Variants in MPP7 observed in about 807,000 individuals in gnomAD.
MPP7 encodes MAGUK p55 subfamily member 7.
MPP7 carries 60 observed loss-of-function variants against 76.5 expected under a neutral mutation model. The observed-to-expected ratio is 0.78, with a 90% CI of 0.64 to 0.97. The LOEUF is 0.97. Among genes scored for constraint, MPP7 ranks in the 50% least tolerant of loss-of-function variants. The pLI, the probability that MPP7 is intolerant of heterozygous loss-of-function variation, is 0.00. For missense variants in MPP7, 641 were observed against 694.0 expected (o/e 0.92, Z 0.86); for synonymous variants, 237 against 244.5 (o/e 0.97, Z 0.29).
chr10:28,135,454 A>G (rs1835325248), intron 5 of MPP7, among the ~76,000 whole-genome samples: 1 of 147,316 alleles, frequency 6.8e-6, no homozygotes, highest in Admixed American at 6.6e-5. Flanking sequence ...GATTGTCTTA[A>G]TTTAAAGGAT....
Position 28,056,481 on chromosome 10 carries a change from G to C in MPP7, c.1550C>G (p.Thr517Arg). 6.2e-7 allele frequency: 1 copy of C among 1,612,152 alleles called. No homozygotes were observed. The change falls in exon 16 of 17, where the codon ACA (threonine) becomes AGA (arginine). Residue 517 changes from threonine to arginine, a missense_variant and splice_region_variant. By Grantham distance (71) the Thr-to-Arg change is moderately conservative. Coordinates refer to ENST00000683449, the MANE Select transcript of MPP7 (RefSeq NM_001318170.2). Reference sequence around the variant, plus strand: ...GCCCCCAAGCATCATTATACTTACTGTGAAGGGTTTTGCAGCACCTTGGTC... The same window carrying C: ...GCCCCCAAGCATCATTATACTTACTCTGAAGGGTTTTGCAGCACCTTGGTC... ...RDDQGAAKPF[T>R]EEDFQEMIKS...
At chr10:28,135,926 G>C (rs1022241224) in intron 5 of MPP7, among the ~76,000 whole-genome samples, 1 of 152,154 alleles carries the variant, frequency 6.6e-6, no homozygotes, top group Non-Finnish European at 1.5e-5. Flanking sequence ...CACACAGTAG[G>C]AGGTGAGTAG....
At chr10:28,187,609 A>G (rs1490319344) in intron 3 of MPP7, among the ~76,000 whole-genome samples, 8 of 152,196 alleles carry the variant, frequency 5.3e-5, no homozygotes, top group African/African-American at 1.9e-4. Flanking sequence ...TCTAAACTTA[A>G]TACCACCTCT....
intron 2 of MPP7, among the ~76,000 whole-genome samples, chr10:28,221,125 T>G (rs969748803): frequency 2.0e-5 from 3 of 152,058 alleles, no homozygotes; most frequent in Admixed American, 2.0e-4. Context: ...ACATGGTAGG[T>G]TAGAAAGTTT....
intron 2 of MPP7, among the ~76,000 whole-genome samples, chr10:28,309,947 A>G (rs1325719037): frequency 6.7e-6 from 1 of 150,068 alleles, no homozygotes; most frequent in African/African-American, 2.5e-5. Context: ...AACTGAGCAG[A>G]TGCTGGCGCC....
At chr10:28,232,120 G>A (rs981755242) in intron 2 of MPP7, among the ~76,000 whole-genome samples, 1 of 152,144 alleles carries the variant, frequency 6.6e-6, no homozygotes, top group Non-Finnish European at 1.5e-5. Flanking sequence ...ACTTTGGGAG[G>A]CCAGTGGTGG....
intron 11 of MPP7, chr10:28,119,088 T>A (rs961096322): frequency 1.1e-4 from 113 of 984,642 alleles, no homozygotes; most frequent in Non-Finnish European, 1.3e-4. Context: ...AGTATTTAAA[T>A]GCACACTAAG....
In MPP7 at chr10:28,270,602, G is replaced by A. The variant is rs113504392; in HGVS notation, c.-131-31867C>T. Among the ~76,000 whole-genome samples, 1,419 of 150,506 alleles carry A rather than the reference G, an allele frequency of 9.4e-3. 13 individuals are homozygous for A. The highest frequency in any genetic ancestry group is 0.033 in the African/African-American group (1,347 of 40,756). ...TCTATTGCTGGGTGGGGAAAGGCACGTGTGCCTACTTCAGTTCTATCTGCA... is the reference window on the plus strand; with the variant it reads ...TCTATTGCTGGGTGGGGAAAGGCACATGTGCCTACTTCAGTTCTATCTGCA... On this transcript the variant is annotated intron_variant, in intron 1 of 16. Transcript: ENST00000683449.
chr10:28,053,097 T>C lies in MPP7; in HGVS notation c.*968A>G, dbSNP rs1851420030. ...ATGAAAAGTTTTCTAAAATAAATCT[T>C]AGAGCAATTTAAAGAGGGGTGATCT... On this transcript the variant is annotated 3_prime_UTR_variant, in exon 17 of 17. Transcript: ENST00000683449. The C allele has an allele frequency of 1.3e-5, 2 of 152,196 alleles. No individual in the cohort carries two copies. Among genetic ancestry groups the C allele is most frequent in the East Asian group, 3.9e-4 (2 of 5,194 alleles). The allele number at this position is 152,196 out of a possible 1,614,324, so 9.4% of individuals were successfully genotyped here. A position where few individuals can be genotyped will look rare whatever the true frequency, so the allele number is the denominator to read the frequency against.
At chr10:28,329,565 C>A (rs1834451397) in intron 2 of MPP7, among the ~76,000 whole-genome samples, 1 of 142,686 alleles carries the variant, frequency 7.0e-6, no homozygotes, top group African/African-American at 2.6e-5. Flanking sequence ...GGAGGCAGAG[C>A]TTGCAGAGAG....
chr10:28,172,129 T>C (rs1470127394), intron 3 of MPP7, among the ~76,000 whole-genome samples: 2 of 152,248 alleles, frequency 1.3e-5, no homozygotes, highest in Non-Finnish European at 2.9e-5. Context: ...GACGATGTCA[T>C]GAACTTTGGC....
intron 4 of MPP7, 113 bp downstream of exon 4, chr10:28,149,869 C>A: frequency 1.6e-6 from 1 of 616,050 alleles, no homozygotes; most frequent in East Asian, 3.0e-5. Flanking sequence ...CATTTGTAAC[C>A]TCTTCTGCTT....
intron 11 of MPP7, among the ~76,000 whole-genome samples, chr10:28,093,415 T>C (rs2133468900): frequency 6.6e-6 from 1 of 152,090 alleles, no homozygotes; most frequent in South Asian, 2.1e-4. Flanking sequence ...TAATTGAGCC[T>C]TTAAAATTCA....
At chr10:28,251,730 G>A (rs2132855063) in intron 1 of MPP7, among the ~76,000 whole-genome samples, 1 of 152,088 alleles carries the variant, frequency 6.6e-6, no homozygotes, top group South Asian at 2.1e-4. Flanking sequence ...CACCAACACA[G>A]GAGGCCTCTA....
At chr10:28,299,469 C>T (rs1216635113) in intron 1 of MPP7, among the ~76,000 whole-genome samples, 2 of 152,078 alleles carry the variant, frequency 1.3e-5, no homozygotes, top group Non-Finnish European at 1.5e-5. Context: ...AGCCCCAAAA[C>T]AATTAGAATC....
rs765429345 is a variant in MPP7 at position 28,056,666 on chromosome 10, A to T, written c.1408-43T>A. 39 of 1,485,254 alleles carry T rather than the reference A, an allele frequency of 2.6e-5. No individual in the cohort carries two copies. The South Asian group carries it at 5.1e-4, about 20-fold the overall frequency. 92.0% of individuals were successfully genotyped at this position (1,485,254 alleles called of 1,614,324 possible). A position where few individuals can be genotyped will look rare whatever the true frequency, so the allele number is the denominator to read the frequency against. Reference sequence around the variant, plus strand: ...AAGTTTTCTCACATTTCTCCATAGCATCATGAATTACTGAATTTTCTTTCT... The same window carrying T: ...AAGTTTTCTCACATTTCTCCATAGCTTCATGAATTACTGAATTTTCTTTCT... On this transcript the variant is annotated intron_variant, in intron 15 of 16. Coordinates refer to ENST00000683449, the MANE Select transcript of MPP7 (RefSeq NM_001318170.2).
intron 2 of MPP7, among the ~76,000 whole-genome samples, chr10:28,315,985 G>A (rs1470841316): frequency 1.2e-4 from 18 of 152,170 alleles, no homozygotes; most frequent in Admixed American, 1.2e-3. Context: ...CAATAGGCTT[G>A]ACCAGTACTC....
At position 28,289,074 on chromosome 10, in the gene MPP7, C is replaced by G. The variant is rs193298174; in HGVS notation, c.-132+13787G>C. On this transcript the variant is annotated intron_variant, in intron 1 of 16. Coordinates refer to ENST00000683449, the MANE Select transcript of MPP7 (RefSeq NM_001318170.2). Reference sequence around the variant, plus strand: ...CAGCACTTTGGGAGGCCGAGGTGGGCGGATCATTTGAGGTCAGGAGTTCGA... The same window carrying G: ...CAGCACTTTGGGAGGCCGAGGTGGGGGGATCATTTGAGGTCAGGAGTTCGA... Among the ~76,000 whole-genome samples, 524 of 151,964 alleles carry G rather than the reference C, an allele frequency of 3.4e-3. 4 individuals carry two copies. The highest frequency in any genetic ancestry group is 0.024 in the South Asian group (117 of 4,820).
At chr10:28,180,238 TGAAAG>T (rs1291747425) in intron 3 of MPP7, among the ~76,000 whole-genome samples, 1 of 152,130 alleles carries the variant, frequency 6.6e-6, no homozygotes, top group African/African-American at 2.4e-5. Flanking sequence ...TTATTAGTGA[TGAAAG>T]GAAACACAAA....
Sources: allele counts gnomAD v4.1 joint callset (sites outside exome capture counted in the v4.1 genomes callset), GRCh38; gene constraint gnomAD v4.1.1; transcripts MANE v1.5; gene names NCBI Gene and HGNC (gene_info 2026-07-23, HGNC 2026-07-21).